The following PCDHGA7 variants were observed in gnomAD, a reference collection of about 807,000 sequenced individuals.
PCDHGA7 encodes the protein protocadherin gamma subfamily A, 7.
PCDHGA7 carries 44 observed loss-of-function variants against 58.3 expected under a neutral mutation model. The observed-to-expected ratio is 0.75, with a 90% CI of 0.59 to 0.97. The LOEUF (loss-of-function observed/expected upper bound fraction) is 0.97, where lower values mean the gene tolerates loss of function less well. Ranked by LOEUF, PCDHGA7 falls within the 50% of genes least tolerant of loss-of-function variation. The pLI is 0.00. For synonymous variants in PCDHGA7, 516 were observed against 504.2 expected, an observed-to-expected ratio of 1.02 and a Z score of -0.31; for missense variants, 1,266 against 1,188.7, an observed-to-expected ratio of 1.06 and a Z score of -0.96.
Position 141,491,273 on chromosome 5 carries a change from G to A in PCDHGA7, c.2425-3534G>A. ...GACCCTGAGGAAATGCCCAAATCCA[G>A]TGACTTCCTCATACACCCTCCTGAG... On this transcript the variant is annotated intron_variant, in intron 1 of 3. Coordinates refer to ENST00000518325, the MANE Select transcript of PCDHGA7 (RefSeq NM_018920.4). This position sits in a 1 kb window ranked among gnomAD's most constrained non-coding sequence, Gnocchi z 6.9. The A allele has an allele frequency of 6.2e-7, 1 of 1,614,182 alleles. No individual in the cohort carries two copies. Among genetic ancestry groups the A allele is most frequent in the South Asian group, 1.1e-5 (1 of 91,082 alleles).
rs1561685937 is a variant in PCDHGA7 at position 141,403,112 on chromosome 5, C to T, written c.2424+17789C>T. On this transcript the variant is annotated intron_variant, in intron 1 of 3. Coordinates refer to ENST00000518325, the MANE Select transcript of PCDHGA7 (RefSeq NM_018920.4). ...GGGCAACATCTCCAAGGACCTGGCT[C>T]TGGAGCCCCGGGAGCTGGCGGAGCG... 5.6e-6 allele frequency: 9 copies of T among 1,614,074 alleles called. No individual in the cohort carries two copies. In the East Asian group the frequency reaches 2.0e-4, roughly 36 times the overall value.
intron 1 of PCDHGA7, among the ~76,000 whole-genome samples, chr5:141,454,796 A>ATTTTTTTTTTT (rs61612330): frequency 0.014 from 1,093 of 77,476 alleles, 165 homozygotes; most frequent in African/African-American, 0.018. Flanking sequence ...CATGGTTCTA[A>ATTTTTTTTTTT]TTTTTTTTTT....
intron 1 of PCDHGA7, chr5:141,423,091 G>A (rs1243671863): frequency 6.2e-7 from 1 of 1,613,908 alleles, no homozygotes; most frequent in Non-Finnish European, 8.5e-7. Flanking sequence ...CGCGGTGGGG[G>A]AGCACACGGG....
chr5:141,462,011 C>T (rs567038580), intron 1 of PCDHGA7, among the ~76,000 whole-genome samples: 32 of 152,182 alleles, frequency 2.1e-4, no homozygotes, highest in Admixed American at 5.9e-4. Flanking sequence ...TTAATAGAGA[C>T]GGGGTTTCTT....
intron 1 of PCDHGA7, chr5:141,407,996 TGG>T: frequency 1.1e-6 from 1 of 872,310 alleles, no homozygotes; most frequent in South Asian, 2.0e-5. Flanking sequence ...GCCTCTGGCC[TGG>T]GATTCCCTGC....
At chr5:141,418,000 G>T in intron 1 of PCDHGA7, 1 of 1,613,902 alleles carries the variant, frequency 6.2e-7, no homozygotes, top group Non-Finnish European at 8.5e-7. Context: ...GCTCGGTGGT[G>T]GGGAACCTCG....
At chr5:141,413,066 A>T in intron 1 of PCDHGA7, 2 of 1,161,944 alleles carry the variant, frequency 1.7e-6, no homozygotes, top group Non-Finnish European at 2.4e-6. Flanking sequence ...TCCAGAATTT[A>T]AAGTGCCCAG....
chr5:141,432,069 A>T lies in PCDHGA7; in HGVS notation c.2424+46746A>T. ...ACCCCGCCCCTATCCACGGAAACTC[A>T]TATCTCGCTGAACGTGGCAGACACC... is the stretch of plus-strand genomic sequence containing the variant. On this transcript the variant is annotated intron_variant, in intron 1 of 3. Coordinates refer to ENST00000518325, the MANE Select transcript of PCDHGA7 (RefSeq NM_018920.4). This position sits in a 1 kb window ranked among gnomAD's most constrained non-coding sequence, Gnocchi z 6.0. The T allele has an allele frequency of 6.2e-7, 1 of 1,614,168 alleles. No homozygotes were observed. The highest frequency in any genetic ancestry group is 8.5e-7 in the Non-Finnish European group (1 of 1,180,038).
intron 1 of PCDHGA7, chr5:141,419,649 A>C: frequency 6.2e-7 from 1 of 1,612,422 alleles, no homozygotes; most frequent in Non-Finnish European, 8.5e-7. Context: ...GTGGACGCGG[A>C]CTCGGGGCAC....
chr5:141,419,010 G>A (rs2096312778), intron 1 of PCDHGA7: 2 of 1,613,866 alleles, frequency 1.2e-6, no homozygotes, highest in Non-Finnish European at 8.5e-7. Flanking sequence ...GAAGTCAGGT[G>A]TAGCTTAAGT....
chr5:141,404,651 C>T, intron 1 of PCDHGA7: 2 of 1,614,184 alleles, frequency 1.2e-6, no homozygotes, highest in Non-Finnish European at 1.7e-6. Flanking sequence ...GTACCCTGCC[C>T]TCCCCACTGA....
intron 1 of PCDHGA7, chr5:141,430,634 C>A: frequency 1.1e-6 from 1 of 882,730 alleles, no homozygotes; most frequent in Non-Finnish European, 1.7e-6. Flanking sequence ...TGAACCATCC[C>A]TGGGAGTATG....
chr5:141,413,256 A>G (rs1255086187), intron 1 of PCDHGA7: 2 of 1,613,946 alleles, frequency 1.2e-6, no homozygotes, highest in Admixed American at 1.7e-5. Context: ...TCGGGATTCC[A>G]TGGGAGGCTG....
At chr5:141,481,703 C>T (rs909197135) in intron 1 of PCDHGA7, among the ~76,000 whole-genome samples, 1 of 152,090 alleles carries the variant, frequency 6.6e-6, no homozygotes, top group Admixed American at 6.5e-5. Context: ...CCTGTAATCC[C>T]AGCACTTTGG....
intron 1 of PCDHGA7, chr5:141,399,969 C>T (rs1371912218): frequency 1.2e-6 from 2 of 1,612,194 alleles, no homozygotes; most frequent in South Asian, 2.2e-5. Context: ...GGCTCTTCAG[C>T]CTGGGGCTGC....
At chr5:141,413,330 T>C (rs770842309) in intron 1 of PCDHGA7, 1 of 1,613,930 alleles carries the variant, frequency 6.2e-7, no homozygotes. Context: ...GTGGGCAACA[T>C]CTCCAAGGAC....
rs151119016 is a variant in PCDHGA7, at chr5:141,489,949, G to C, written c.2425-4858G>C. On this transcript the variant is annotated intron_variant, in intron 1 of 3. Transcript: ENST00000518325. The surrounding 1 kb of genome is among the most constrained non-coding windows in gnomAD (Gnocchi z 4.5). ...CTCTGTCATCGTGCTGGACATCAAT[G>C]ATAATGCTCCAACCTTCCAATCCTC... is the stretch of plus-strand genomic sequence containing the variant. 1 of 1,614,198 alleles carries C rather than the reference G, an allele frequency of 6.2e-7. No individual in the cohort carries two copies. Among genetic ancestry groups the C allele is most frequent in the Non-Finnish European group, 8.5e-7 (1 of 1,180,028 alleles).
intron 1 of PCDHGA7, chr5:141,409,987 C>T: frequency 3.1e-6 from 5 of 1,613,288 alleles, no homozygotes; most frequent in Non-Finnish European, 4.2e-6. Context: ...TAGCGGTGGA[C>T]GCCGACTCGG....
chr5:141,505,711 A>C (rs372711957), intron 3 of PCDHGA7, among the ~76,000 whole-genome samples: 17 of 152,058 alleles, frequency 1.1e-4, no homozygotes, highest in Admixed American at 2.6e-4. Context: ...CAAGGAAAAG[A>C]CTCATGGAGG....
Sources: gnomAD v4.1 joint callset for allele counts (sites outside exome capture counted in the v4.1 genomes callset) on GRCh38, gnomAD v4.1.1 for gene constraint, Gnocchi (gnomAD v3.1) non-coding constraint, MANE v1.5 for transcripts, NCBI Gene and HGNC (gene_info 2026-07-23, HGNC 2026-07-21) for gene names.